PALLD: variants seen among roughly 807,000 people sequenced by gnomAD.
PALLD encodes the protein palladin.
In PALLD, 61 loss-of-function variants were observed where a neutral mutation model predicts 123.5. The observed-to-expected ratio is 0.49, with a 90% confidence interval of 0.40 to 0.61. The LOEUF (loss-of-function observed/expected upper bound fraction) is 0.61, where lower values mean the gene tolerates loss of function less well. Ranked by LOEUF, PALLD falls within the 20% of genes least tolerant of loss-of-function variation. PALLD has a pLI of 0.00. For missense variants in PALLD, 1,273 were observed against 1,377.0 expected, an observed-to-expected ratio of 0.92 and a Z score of 1.20; for synonymous variants, 465 against 496.4, an observed-to-expected ratio of 0.94 and a Z score of 0.84.
chr4:168,796,395 G>A (rs1041925473), intron 10 of PALLD, among the ~76,000 whole-genome samples: 41 of 152,276 alleles, frequency 2.7e-4, no homozygotes, highest in African/African-American at 8.4e-4. Flanking sequence ...CACTGCTGGC[G>A]GGTGTCTGAC....
intron 10 of PALLD, among the ~76,000 whole-genome samples, chr4:168,798,383 T>C (rs1239291967): frequency 2.0e-5 from 3 of 152,176 alleles, no homozygotes; most frequent in Non-Finnish European, 4.4e-5. Flanking sequence ...AACTTAAAAA[T>C]TTGCAAGTGT....
chr4:168,600,376 G>A (rs1015205739), intron 2 of PALLD, among the ~76,000 whole-genome samples: 7 of 152,058 alleles, frequency 4.6e-5, no homozygotes, highest in Non-Finnish European at 8.8e-5. Context: ...CCCCTTTTAA[G>A]CAAAATGTTT....
rs1750733139 is a variant in PALLD, at chr4:168,869,100, A to G, written c.1965-21822A>G. On this transcript the variant is annotated intron_variant, in intron 10 of 21. Coordinates refer to ENST00000505667, the MANE Select transcript of PALLD (RefSeq NM_001166108.2). This position sits in a 1 kb window ranked among gnomAD's most constrained non-coding sequence, Gnocchi z 4.5. ...TCTCATTCGGGTTTGGGAGTTTCAC[A>G]TTTTGGATACTAACAAGCCAGAAAT... Among the ~76,000 whole-genome samples the G allele has an allele frequency of 1.3e-5, 2 of 152,140 alleles. No individual in the cohort carries two copies. The highest frequency in any genetic ancestry group is 1.3e-4 in the Admixed American group (2 of 15,268).
At chr4:168,504,389 T>C (rs1165896104) in intron 1 of PALLD, among the ~76,000 whole-genome samples, 1 of 151,210 alleles carries the variant, frequency 6.6e-6, no homozygotes, top group Non-Finnish European at 1.5e-5. Context: ...AGGTCAGGAG[T>C]TCAAGACCAG....
chr4:168,895,642 C>G (rs1333698497), intron 12 of PALLD, among the ~76,000 whole-genome samples: 1 of 152,048 alleles, frequency 6.6e-6, no homozygotes, highest in East Asian at 1.9e-4. Flanking sequence ...TCCTCATTGT[C>G]TTAAATTAGA....
intron 10 of PALLD, among the ~76,000 whole-genome samples, chr4:168,803,559 G>A (rs573999027): frequency 2.6e-5 from 4 of 152,082 alleles, no homozygotes; most frequent in Admixed American, 1.3e-4. Context: ...TATGGCGCAC[G>A]CCTGCAGTCT....
At chr4:168,846,771 A>G (rs1303906137) in intron 10 of PALLD, among the ~76,000 whole-genome samples, 1 of 152,188 alleles carries the variant, frequency 6.6e-6, no homozygotes, top group Non-Finnish European at 1.5e-5. Context: ...AAGTGTGGGT[A>G]TGGTACCCAC....
Position 168,612,179 on chromosome 4 carries a change from T to C in PALLD, c.909-56011T>C, listed in dbSNP as rs1421997303. On this transcript the variant is annotated intron_variant, in intron 2 of 21. Transcript: ENST00000505667. ...TGTCTCAAAAATAAAAATAAAAATG[T>C]CCACCACAGACCTCTTCTAAGTTTC... Among the ~76,000 whole-genome samples, 10 of 149,906 alleles carry C rather than the reference T, an allele frequency of 6.7e-5. No homozygotes were observed. In the South Asian group the frequency reaches 1.9e-3, roughly 29 times the overall value.
intron 10 of PALLD, among the ~76,000 whole-genome samples, chr4:168,724,760 G>C (rs115978219): frequency 4.1e-3 from 630 of 152,288 alleles, no homozygotes; most frequent in African/African-American, 0.014. Flanking sequence ...GAGCATACCA[G>C]GTTCATGCCT....
chr4:168,833,259 C>T (rs1220441330), intron 10 of PALLD, among the ~76,000 whole-genome samples: 1 of 152,112 alleles, frequency 6.6e-6, no homozygotes, highest in African/African-American at 2.4e-5. Context: ...GAGGGGGCGT[C>T]TCGGTCGGGT....
At chr4:168,672,637 T>C (rs1370128239) in intron 3 of PALLD, among the ~76,000 whole-genome samples, 1 of 152,024 alleles carries the variant, frequency 6.6e-6, no homozygotes, top group Admixed American at 6.6e-5. Context: ...TTTTTGTATT[T>C]TTAGTAGAGA....
chr4:168,922,102 T>C (rs5863968), intron 18 of PALLD, among the ~76,000 whole-genome samples: 16,464 of 131,774 alleles, frequency 0.12, 1,522 homozygotes, highest in African/African-American at 0.3. Flanking sequence ...TATATATATA[T>C]ACACACACAC....
At chr4:168,925,143 G>T in intron 20 of PALLD, 65 bp downstream of exon 20, 1 of 1,595,376 alleles carries the variant, frequency 6.3e-7, no homozygotes, top group Non-Finnish European at 8.6e-7. Flanking sequence ...TAGACATCTG[G>T]ACAGCAAATC....
intron 11 of PALLD, among the ~76,000 whole-genome samples, chr4:168,892,922 C>T (rs1319090447): frequency 2.0e-5 from 3 of 152,150 alleles, no homozygotes; most frequent in Admixed American, 6.5e-5. Flanking sequence ...CTTAAAATGA[C>T]AAGTAAGGTT....
intron 10 of PALLD, among the ~76,000 whole-genome samples, chr4:168,725,409 C>T (rs992185763): frequency 1.4e-4 from 21 of 151,056 alleles, no homozygotes; most frequent in Non-Finnish European, 2.1e-4. Flanking sequence ...CATCTGGTTT[C>T]GGGGATGTAT....
intron 10 of PALLD, among the ~76,000 whole-genome samples, chr4:168,755,395 C>A (rs78781752): frequency 5.3e-5 from 8 of 151,362 alleles, no homozygotes; most frequent in African/African-American, 1.9e-4. Flanking sequence ...ACATTTCTAA[C>A]GGGGAAAGAT....
Position 168,925,212 on chromosome 4 carries a change from TC to T in PALLD, c.3359-20del. The T allele has an allele frequency of 1.3e-6, 2 of 1,597,588 alleles. No homozygotes were observed. The highest frequency in any genetic ancestry group is 1.7e-6 in the Non-Finnish European group (2 of 1,164,968). On this transcript the variant is annotated intron_variant, in intron 20 of 21. Coordinates refer to ENST00000505667, the MANE Select transcript of PALLD (RefSeq NM_001166108.2). Reference sequence around the variant, plus strand: ...TTTGTCAAAAAAATTCATATTGCTCTCTCTCTCTTTCTATTTGTAGTTTCTC... The same window carrying T: ...TTTGTCAAAAAAATTCATATTGCTCTTCTCTCTTTCTATTTGTAGTTTCTC...
chr4:168,607,304 C>T (rs886479870), intron 2 of PALLD, among the ~76,000 whole-genome samples: 5 of 152,200 alleles, frequency 3.3e-5, no homozygotes, highest in African/African-American at 9.7e-5. Flanking sequence ...ATTCCCACCA[C>T]ACTTAATGTA....
In PALLD at chr4:168,903,864, A is replaced by G. The variant is rs1757068246; in HGVS notation, c.2580A>G (p.Leu860=). The G allele has an allele frequency of 6.2e-7, 1 of 1,613,932 alleles. No homozygotes were observed. Among genetic ancestry groups the G allele is most frequent in the African/African-American group, 1.3e-5 (1 of 75,034 alleles). ...CCCTCCATACCACAGCCTCCACCCTAGATGATGATGGGAATTATACAATTA... is the reference window on the plus strand; with the variant it reads ...CCCTCCATACCACAGCCTCCACCCTGGATGATGATGGGAATTATACAATTA... ...TCSLHTTAST[L]DDDGNYTIMA... The change falls in exon 15 of 22, where the codon CTA becomes CTG. Residue 860 remains leucine, a synonymous_variant. Coordinates refer to ENST00000505667, the MANE Select transcript of PALLD (RefSeq NM_001166108.2).
Sources: gnomAD v4.1 joint callset for allele counts (sites outside exome capture counted in the v4.1 genomes callset) on GRCh38, gnomAD v4.1.1 for gene constraint, Gnocchi (gnomAD v3.1) non-coding constraint, MANE v1.5 for transcripts, NCBI Gene and HGNC (gene_info 2026-07-23, HGNC 2026-07-21) for gene names.